The following DNAH7 variants were observed in gnomAD, a reference collection of about 807,000 sequenced individuals.
DNAH7 encodes the protein axonemal beta dynein heavy chain 7.
A neutral mutation model predicts 444.6 loss-of-function variants in DNAH7; 397 were observed. That is an observed-to-expected ratio of 0.89 (90% CI 0.82 to 0.97). The LOEUF (loss-of-function observed/expected upper bound fraction) is 0.97, where lower values mean the gene tolerates loss of function less well. DNAH7 is among the 50% of genes least tolerant of loss of function. DNAH7 has a pLI of 0.00. For synonymous variants in DNAH7, 1,636 were observed against 1,624.4 expected (o/e 1.01, Z -0.17); for missense variants, 4,902 against 4,800.8 (o/e 1.02, Z -0.62).
intron 63 of DNAH7, among the ~76,000 whole-genome samples, chr2:195,741,687 C>G (rs928020305): frequency 6.6e-6 from 1 of 152,186 alleles, no homozygotes; most frequent in Middle Eastern, 3.2e-3. Flanking sequence ...ATAGTAATAT[C>G]TGTTTTGTCC....
chr2:195,887,386 G>C lies in DNAH7; in HGVS notation c.5406+872C>G, dbSNP rs78706830. Among the ~76,000 whole-genome samples the C allele has an allele frequency of 2.3e-3, 350 of 151,930 alleles. 2 individuals carry two copies. Among genetic ancestry groups the C allele is most frequent in the African/African-American group, 7.9e-3 (326 of 41,232 alleles). ...TATTTCAGTTACAGCCAAACTTCTT[G>C]AAAGAGCAGGGTGGAAGACACATCA... On this transcript the variant is annotated intron_variant, in intron 33 of 64. Transcript: ENST00000312428.
chr2:195,940,097 G>T (rs917101240), intron 19 of DNAH7, among the ~76,000 whole-genome samples: 1 of 152,140 alleles, frequency 6.6e-6, no homozygotes. Flanking sequence ...AAAGCTGGAG[G>T]CATCATGCTA....
At chr2:195,777,596 ATACTTCT>A (rs1220789480) in intron 59 of DNAH7, among the ~76,000 whole-genome samples, 197 bp downstream of exon 59, 1 of 152,188 alleles carries the variant, frequency 6.6e-6, no homozygotes, top group Non-Finnish European at 1.5e-5. Flanking sequence ...CACGTTTCTG[ATACTTCT>A]TACATTACAG....
At chr2:195,964,489 G>C (rs1319063251) in intron 17 of DNAH7, among the ~76,000 whole-genome samples, 1 of 140,304 alleles carries the variant, frequency 7.1e-6, no homozygotes, top group Non-Finnish European at 1.5e-5. Context: ...TGTCAATTTT[G>C]TATCCTGTAA....
Position 195,970,100 on chromosome 2 carries a change from A to G in DNAH7, c.2059-6T>C, listed in dbSNP as rs1192995775. 6.3e-7 allele frequency: 1 copy of G among 1,588,882 alleles called. No individual in the cohort carries two copies. The highest frequency in any genetic ancestry group is 8.5e-7 in the Non-Finnish European group (1 of 1,171,900). On this transcript the variant is annotated splice_polypyrimidine_tract_variant and splice_region_variant and intron_variant, in intron 16 of 64. Coordinates refer to ENST00000312428, the MANE Select transcript of DNAH7 (RefSeq NM_018897.3). ...ACAAACCGTTCACACCGTAACTAAT[A>G]AAAACAATTTGTTGTTAATATTCTT... is the stretch of plus-strand genomic sequence containing the variant.
chr2:195,948,808 GT>G (rs1277629657), intron 19 of DNAH7, among the ~76,000 whole-genome samples: 11 of 152,054 alleles, frequency 7.2e-5, no homozygotes, highest in African/African-American at 2.7e-4. Flanking sequence ...ATTTAAAGTG[GT>G]TTTTTTCTAA....
intron 56 of DNAH7, among the ~76,000 whole-genome samples, chr2:195,796,159 A>G (rs1397490490): frequency 6.6e-6 from 1 of 152,186 alleles, no homozygotes; most frequent in African/African-American, 2.4e-5. Flanking sequence ...AGTGGGAGAG[A>G]AGTAAGTTAA....
chr2:196,064,348 T>TAATA (rs1553616232), intron 1 of DNAH7, among the ~76,000 whole-genome samples: 40 of 34,000 alleles, frequency 1.2e-3, no homozygotes, highest in African/African-American at 1.3e-3. Context: ...AATAAATAAA[T>TAATA]AATAAATAAT....
chr2:196,042,436 G>A (rs1443611814), intron 5 of DNAH7, among the ~76,000 whole-genome samples: 1 of 151,898 alleles, frequency 6.6e-6, no homozygotes, highest in Non-Finnish European at 1.5e-5. Flanking sequence ...CAAACTGGGA[G>A]ATAATATTTG....
Position 195,864,698 on chromosome 2 carries a change from G to A in DNAH7, c.6957C>T (p.Ala2319=), listed in dbSNP as rs779593932. ...TGGAAATTCTGCTGATGTGCTCTAT[G>A]GCAAATCGAAACAAGACAAGGTTCA... ...KPMNLVLFRF[A]IEHISRISRI... Residue 2319 remains alanine, a synonymous_variant, in exon 41 of 65, where the codon GCC becomes GCT. Coordinates refer to ENST00000312428, the MANE Select transcript of DNAH7 (RefSeq NM_018897.3). The A allele has an allele frequency of 9.9e-6, 16 of 1,614,038 alleles. No individual in the cohort carries two copies. In the East Asian group the frequency reaches 3.1e-4, roughly 31 times the overall value.
At chr2:195,821,542 C>A (rs909871604) in intron 49 of DNAH7, among the ~76,000 whole-genome samples, 2 of 152,148 alleles carry the variant, frequency 1.3e-5, no homozygotes, top group African/African-American at 4.8e-5. Flanking sequence ...TCGGTGGATC[C>A]CTGTGCCATT....
At chr2:195,921,525 A>G (rs1688023524) in intron 24 of DNAH7, among the ~76,000 whole-genome samples, 1 of 152,228 alleles carries the variant, frequency 6.6e-6, no homozygotes, top group South Asian at 2.1e-4. Context: ...GTTCTCACTT[A>G]TAAGTGAGAG....
At chr2:195,803,502 T>C (rs1344641564) in intron 54 of DNAH7, among the ~76,000 whole-genome samples, 2 of 152,236 alleles carry the variant, frequency 1.3e-5, no homozygotes, top group African/African-American at 4.8e-5. Flanking sequence ...CCGAGGTAAA[T>C]GAACCTGCGT....
intron 1 of DNAH7, among the ~76,000 whole-genome samples, chr2:196,058,926 A>G: frequency 6.6e-6 from 1 of 152,232 alleles, no homozygotes; most frequent in East Asian, 1.9e-4. Flanking sequence ...AGATTTTACG[A>G]CTTACTACAA....
At chr2:195,962,817 G>A (rs1691200649) in intron 17 of DNAH7, among the ~76,000 whole-genome samples, 1 of 152,022 alleles carries the variant, frequency 6.6e-6, no homozygotes, top group Non-Finnish European at 1.5e-5. Flanking sequence ...ATCTCCATGA[G>A]TTCAATTGTT....
At chr2:195,823,418 A>G (rs1214461842) in intron 49 of DNAH7, among the ~76,000 whole-genome samples, 1 of 152,166 alleles carries the variant, frequency 6.6e-6, no homozygotes, top group African/African-American at 2.4e-5. Flanking sequence ...GAGAGCAGGG[A>G]TCATGTTTAT....
At chr2:195,914,911 C>G (rs1189026296) in intron 24 of DNAH7, among the ~76,000 whole-genome samples, 1 of 152,216 alleles carries the variant, frequency 6.6e-6, no homozygotes, top group African/African-American at 2.4e-5. Flanking sequence ...ATCCACCCGC[C>G]TTGGTCTCCC....
rs1369020403 is a variant in DNAH7 at position 195,886,226 on chromosome 2, T to G, written c.5453A>C (p.Asn1818Thr). 1 of 1,613,766 alleles carries G rather than the reference T, an allele frequency of 6.2e-7. No individual in the cohort carries two copies. Among genetic ancestry groups the G allele is most frequent in the South Asian group, 1.1e-5 (1 of 91,014 alleles). The change falls in exon 34 of 65, where the codon AAT becomes ACT. Residue 1818 changes from asparagine (N) to threonine (T), a missense_variant. Coordinates refer to ENST00000312428, the MANE Select transcript of DNAH7 (RefSeq NM_018897.3). ...SDTNLVRSLMNLIDCFMDDFA... is the reference protein window; with the variant it reads ...SDTNLVRSLMTLIDCFMDDFA... The stretch of plus-strand genomic sequence containing the variant: ...ATCATCCATAAAACAGTCTATTAGA[T>G]TCATTAAGGACCGGACCAAGTTTGT...
At chr2:196,015,206 G>A (rs552448299) in intron 9 of DNAH7, among the ~76,000 whole-genome samples, 2 of 152,032 alleles carry the variant, frequency 1.3e-5, no homozygotes, top group Non-Finnish European at 2.9e-5. Context: ...ATCAAATTTT[G>A]TAATTTGTGG....
Sources: allele counts gnomAD v4.1 joint callset (sites outside exome capture counted in the v4.1 genomes callset), GRCh38; gene constraint gnomAD v4.1.1; transcripts MANE v1.5; gene names NCBI Gene and HGNC (gene_info 2026-07-23, HGNC 2026-07-21).